Variants in YAE1 observed in about 807,000 individuals in gnomAD.
YAE1 encodes YAE1 maturation factor of ABCE1, also known as protein YAE1 homolog.
A neutral mutation model predicts 23.0 loss-of-function variants in YAE1; 22 were observed. The observed-to-expected ratio is 0.96, with a 90% confidence interval of 0.68 to 1.37. The LOEUF (loss-of-function observed/expected upper bound fraction) is 1.37. Among genes scored for constraint, YAE1 ranks in the 40% most tolerant of loss-of-function variants. YAE1 has a pLI of 0.00. For synonymous variants in YAE1, 101 were observed against 97.0 expected (o/e 1.04, Z -0.24); for missense variants, 260 against 262.1 (o/e 0.99, Z 0.06).
downstream of YAE1, among the ~76,000 whole-genome samples, chr7:39,574,768 G>GA (rs1790627832): frequency 1.3e-5 from 2 of 150,656 alleles, no homozygotes; most frequent in Non-Finnish European, 3.0e-5. Flanking sequence ...CGACAGCCAT[G>GA]GTGTTAAGTC....
In YAE1 at chr7:39,572,543, A is replaced by G; in HGVS notation, c.518A>G (p.Lys173Arg). The G allele has an allele frequency of 6.2e-7, 1 of 1,614,184 alleles. No homozygotes were observed. The highest frequency in any genetic ancestry group is 1.3e-5 in the African/African-American group (1 of 75,070). The change falls in exon 3 of 3, where the codon AAG becomes AGG. Residue 173 changes from lysine to arginine, a missense_variant. Coordinates refer to ENST00000223273, the MANE Select transcript of YAE1 (RefSeq NM_020192.5). Reference sequence around the variant, plus strand: ...GCTGAGTTTAACAAAAACTGTAGCAAGAGCCATAGTGGGATAGATTGTTCA... The same window carrying G: ...GCTGAGTTTAACAAAAACTGTAGCAGGAGCCATAGTGGGATAGATTGTTCA... ...NNAEFNKNCS[K>R]SHSGIDCSYV...
At chr7:39,588,231 G>T (rs1790848325) in intron 2 of YAE1, among the ~76,000 whole-genome samples, 1 of 152,204 alleles carries the variant, frequency 6.6e-6, no homozygotes, top group Non-Finnish European at 1.5e-5. Flanking sequence ...GGAAAAATGG[G>T]CCGGACGTGG....
rs1335954949 is a variant in YAE1, at chr7:39,566,431, C to G, written c.13C>G (p.Gln5Glu). The change falls in exon 1 of 3, where the codon CAA becomes GAA. Residue 5 changes from glutamine to glutamate, a missense_variant. Gln to Glu is a conservative substitution (Grantham distance 29, BLOSUM62 2). Coordinates refer to ENST00000223273, the MANE Select transcript of YAE1 (RefSeq NM_020192.5). Reference sequence around the variant, plus strand: ...AATTGCCTCGGTGATGTCGTGGGTTCAAGCAGCCTCCTTGATCCAGGGCCC... The same window carrying G: ...AATTGCCTCGGTGATGTCGTGGGTTGAAGCAGCCTCCTTGATCCAGGGCCC... MSWV[Q>E]AASLIQGPGD... The G allele has an allele frequency of 1.2e-6, 2 of 1,613,994 alleles. No individual in the cohort carries two copies. The highest frequency in any genetic ancestry group is 8.5e-7 in the Non-Finnish European group (1 of 1,179,964).
At chr7:39,606,864 CTTTCTCG>C (rs1293775064) in intron 2 of YAE1, among the ~76,000 whole-genome samples, 1 of 152,276 alleles carries the variant, frequency 6.6e-6, no homozygotes, top group African/African-American at 2.4e-5. Context: ...AAAATATATA[CTTTCTCG>C]TTTCAGGGTG....
chr7:39,569,931 C>A, intron 1 of YAE1: 1 of 1,312,054 alleles, frequency 7.6e-7, no homozygotes, highest in South Asian at 1.2e-5. Flanking sequence ...TCCAGTCAGT[C>A]CTGGCTGCTC....
In YAE1 at chr7:39,572,332, A is replaced by G. The variant is rs1469330967; in HGVS notation, c.307A>G (p.Ile103Val). Residue 103 changes from isoleucine to valine, a missense_variant, in exon 3 of 3, where the codon ATA becomes GTA. Ile to Val is a conservative substitution (Grantham distance 29). Transcript: ENST00000223273. ...HNNNSTLINK[I>V]NNLLDAVGQC... ...TAATAATTCAACTTTGATCAATAAAATAAACAATCTTCTGGATGCAGTTGG... is the reference window on the plus strand; with the variant it reads ...TAATAATTCAACTTTGATCAATAAAGTAAACAATCTTCTGGATGCAGTTGG... The G allele has an allele frequency of 1.9e-6, 3 of 1,613,910 alleles. No individual in the cohort carries two copies. The highest frequency in any genetic ancestry group is 2.2e-5 in the East Asian group (1 of 44,892).
At chr7:39,599,377 T>G (rs1226212450) in intron 2 of YAE1, among the ~76,000 whole-genome samples, 1 of 152,082 alleles carries the variant, frequency 6.6e-6, no homozygotes, top group Non-Finnish European at 1.5e-5. Context: ...TTTGTTTTTT[T>G]GTTTTTGTTT....
chr7:39,566,410 G>A lies in YAE1; in HGVS notation c.-9G>A, dbSNP rs573560764. On this transcript the variant is annotated 5_prime_UTR_variant, in exon 1 of 3. Coordinates refer to ENST00000223273, the MANE Select transcript of YAE1 (RefSeq NM_020192.5). ...TCCGGTGGCCTGCGACCCCGTAATTGCCTCGGTGATGTCGTGGGTTCAAGC... is the reference window on the plus strand; with the variant it reads ...TCCGGTGGCCTGCGACCCCGTAATTACCTCGGTGATGTCGTGGGTTCAAGC... The A allele has an allele frequency of 6.8e-6, 11 of 1,612,760 alleles. No homozygotes were observed. Among genetic ancestry groups the A allele is most frequent in the African/African-American group, 4.0e-5 (3 of 74,914 alleles).
At chr7:39,566,806 A>G (rs945568209) in intron 1 of YAE1, 11 of 379,392 alleles carry the variant, frequency 2.9e-5, no homozygotes, top group African/African-American at 2.3e-4. Context: ...TAGACTTTGA[A>G]CAGTTTGCAG....
intron 2 of YAE1, among the ~76,000 whole-genome samples, chr7:39,601,071 G>T (rs1361265610): frequency 6.6e-6 from 1 of 152,174 alleles, no homozygotes; most frequent in Non-Finnish European, 1.5e-5. Context: ...TGAAAGAGAA[G>T]ATTTTGTCTG....
rs1790468465 is a variant in YAE1 at position 39,566,474 on chromosome 7, T to TGTTTG, written c.57_61dup (p.Asp21GlyfsTer32). On this transcript the variant is annotated frameshift_variant, in exon 1 of 3. Transcript: ENST00000223273. LOFTEE classifies it high-confidence loss of function. Reference sequence around the variant, plus strand: ...CAGGGCCCTGGAGACAAAGGGGACGTGTTTGACGAAGAAGCAGACGAGTCG... The same window carrying TGTTTG: ...CAGGGCCCTGGAGACAAAGGGGACGTGTTTGGTTTGACGAAGAAGCAGACGAGTCG... 6.2e-7 allele frequency: 1 copy of TGTTTG among 1,614,078 alleles called. No homozygotes were observed. The highest frequency in any genetic ancestry group is 1.7e-5 in the Admixed American group (1 of 60,016).
At chr7:39,567,643 T>A (rs1430225406) in intron 1 of YAE1, among the ~76,000 whole-genome samples, 1 of 152,160 alleles carries the variant, frequency 6.6e-6, no homozygotes, top group Non-Finnish European at 1.5e-5. Flanking sequence ...TTTGAAGTGA[T>A]TAGAAAAGTT....
chr7:39,570,251 T>C, intron 1 of YAE1: 2 of 636,748 alleles, frequency 3.1e-6, no homozygotes, highest in Non-Finnish European at 5.3e-6. Flanking sequence ...ACTAGGTTTT[T>C]TAAAAACTGT....
downstream of YAE1, among the ~76,000 whole-genome samples, chr7:39,575,144 C>T (rs1790633819): frequency 6.6e-6 from 1 of 152,226 alleles, no homozygotes; most frequent in Non-Finnish European, 1.5e-5. Flanking sequence ...AGAGCTGGCA[C>T]AGCCAGAGTT....
chr7:39,585,043 G>A (rs559371848), intron 2 of YAE1, among the ~76,000 whole-genome samples: 2 of 152,292 alleles, frequency 1.3e-5, no homozygotes, highest in South Asian at 2.1e-4. Context: ...GATAAGGAGC[G>A]AGTCTCCAGG....
exon 3 of YAE1, chr7:39,610,007 G>A: frequency 6.6e-7 from 1 of 1,507,048 alleles, no homozygotes; most frequent in Non-Finnish European, 8.8e-7. Flanking sequence ...TAATCAGAGG[G>A]CAGCTTGTGC....
At chr7:39,570,128 G>C in intron 1 of YAE1, 1 of 874,294 alleles carries the variant, frequency 1.1e-6, no homozygotes, top group South Asian at 1.5e-5. Flanking sequence ...CCGCCTGTGG[G>C]TCCAGGGAGC....
chr7:39,605,371 A>T (rs1260396660), intron 2 of YAE1, among the ~76,000 whole-genome samples: 3 of 152,216 alleles, frequency 2.0e-5, no homozygotes, highest in African/African-American at 7.2e-5. Flanking sequence ...TTAACATTTG[A>T]ATCAGAAGAT....
At chr7:39,570,690 TATAA>T in intron 2 of YAE1, 63 bp downstream of exon 2, 1 of 1,524,956 alleles carries the variant, frequency 6.6e-7, no homozygotes, top group Admixed American at 2.4e-5. Context: ...GATGTTTCTG[TATAA>T]ATAAAGTGTT....
Sources: allele counts gnomAD v4.1 joint callset (sites outside exome capture counted in the v4.1 genomes callset), GRCh38; gene constraint gnomAD v4.1.1; transcripts MANE v1.5; gene names NCBI Gene and HGNC (gene_info 2026-07-23, HGNC 2026-07-21).